Variants in RANBP17 observed in about 807,000 individuals in gnomAD.
RANBP17 encodes the protein ran-binding protein 17.
Under a neutral mutation model 141.2 loss-of-function variants are expected in RANBP17, and 158 were observed. That is an observed-to-expected ratio of 1.12 (90% CI 0.98 to 1.28). RANBP17 has a LOEUF of 1.28. Ranked by LOEUF, RANBP17 falls within the 50% of genes most tolerant of loss-of-function variation. The pLI is 0.00. For missense variants in RANBP17, 1,438 were observed against 1,290.7 expected, an observed-to-expected ratio of 1.11 and a Z score of -1.75; for synonymous variants, 430 against 450.0, an observed-to-expected ratio of 0.96 and a Z score of 0.56.
At position 170,955,819 on chromosome 5, in the gene RANBP17, T is replaced by TAA. The variant is rs10552358; in HGVS notation, c.1574+2118_1574+2119insAA. ...ATTGAGGAACAACCTAAAATTCCTG[T>TAA]ATATATATATATATATATCTCAGAG... On this transcript the variant is annotated intron_variant, in intron 13 of 27. Transcript: ENST00000523189. Among the ~76,000 whole-genome samples the TAA allele has an allele frequency of 2.1e-3, 244 of 114,482 alleles. 5 individuals carry two copies. Among genetic ancestry groups the TAA allele is most frequent in the Admixed American group, 0.018 (207 of 11,780 alleles). 75.1% of individuals were successfully genotyped at this position (114,482 alleles called of 152,430 possible).
intron 12 of RANBP17, among the ~76,000 whole-genome samples, chr5:170,933,106 T>C (rs982822241): frequency 6.6e-6 from 1 of 152,192 alleles, no homozygotes; most frequent in Non-Finnish European, 1.5e-5. Context: ...ATTGGTCTAT[T>C]CAGGGATTCA....
chr5:170,933,661 T>G (rs1424860035), intron 12 of RANBP17, among the ~76,000 whole-genome samples: 1 of 152,208 alleles, frequency 6.6e-6, no homozygotes, highest in Non-Finnish European at 1.5e-5. Context: ...CTGCCTTGAT[T>G]TCGTTATGTA....
chr5:171,228,066 C>G (rs1227447069), intron 22 of RANBP17, among the ~76,000 whole-genome samples: 1 of 152,162 alleles, frequency 6.6e-6, no homozygotes, highest in Non-Finnish European at 1.5e-5. Context: ...TTCTGCAGCC[C>G]ATGGATCAAG....
rs570417220 is a variant in RANBP17, at chr5:171,077,152, A to G, written c.1711-92978A>G. Among the ~76,000 whole-genome samples, 4 of 152,240 alleles carry G rather than the reference A, an allele frequency of 2.6e-5. No homozygotes were observed. The South Asian group carries it at 8.3e-4, about 32-fold the overall frequency. On this transcript the variant is annotated intron_variant, in intron 14 of 27. Coordinates refer to ENST00000523189, the MANE Select transcript of RANBP17 (RefSeq NM_022897.5). Reference sequence around the variant, plus strand: ...CAGAAGATAGAGACCATCCTGGCAAACACGGTGAAACCCCGTCTCTACTAA... The same window carrying G: ...CAGAAGATAGAGACCATCCTGGCAAGCACGGTGAAACCCCGTCTCTACTAA...
At chr5:170,935,984 C>T (rs1320039683) in intron 12 of RANBP17, among the ~76,000 whole-genome samples, 1 of 152,190 alleles carries the variant, frequency 6.6e-6, no homozygotes, top group Admixed American at 6.5e-5. Flanking sequence ...CTACTCAAGC[C>T]GCAGCAATGG....
intron 24 of RANBP17, among the ~76,000 whole-genome samples, chr5:171,265,424 G>A (rs947009676): frequency 6.6e-6 from 1 of 152,126 alleles, no homozygotes; most frequent in Non-Finnish European, 1.5e-5. Flanking sequence ...TAGCTACTCA[G>A]GAGGCTGAAG....
intron 14 of RANBP17, among the ~76,000 whole-genome samples, chr5:170,995,760 T>C (rs1778777850): frequency 6.6e-6 from 1 of 152,194 alleles, no homozygotes; most frequent in Admixed American, 6.6e-5. Flanking sequence ...ATGTTTTACA[T>C]GATTGATGTT....
intron 18 of RANBP17, among the ~76,000 whole-genome samples, chr5:171,191,573 G>C (rs916942058): frequency 6.6e-6 from 1 of 151,992 alleles, no homozygotes; most frequent in Non-Finnish European, 1.5e-5. Flanking sequence ...TGTAGTCCCA[G>C]CTACTCGGGA....
At chr5:171,256,914 T>A (rs537208670) in intron 24 of RANBP17, among the ~76,000 whole-genome samples, 70 of 146,134 alleles carry the variant, frequency 4.8e-4, no homozygotes, top group African/African-American at 1.2e-3. Flanking sequence ...ATCAGTAATT[T>A]AAAAAAAAAA....
chr5:171,165,980 G>A (rs1759665523), intron 14 of RANBP17, among the ~76,000 whole-genome samples: 1 of 152,114 alleles, frequency 6.6e-6, no homozygotes, highest in South Asian at 2.1e-4. Context: ...TGCCTTTTAT[G>A]CGTTTTCCTT....
intron 14 of RANBP17, among the ~76,000 whole-genome samples, chr5:170,972,310 T>C (rs1277765119): frequency 6.6e-6 from 1 of 151,590 alleles, no homozygotes; most frequent in African/African-American, 2.4e-5. Context: ...GCCTCCCAAG[T>C]AGCTGGGATT....
At position 171,287,228 on chromosome 5, in the gene RANBP17, C is replaced by A. The variant is rs543785161; in HGVS notation, c.2944-6655C>A. Among the ~76,000 whole-genome samples, 7 of 152,296 alleles carry A rather than the reference C, an allele frequency of 4.6e-5. No homozygotes were observed. In the South Asian group the frequency reaches 1.4e-3, roughly 32 times the overall value. ...CAGATTGGCCGGGTGCAGTGGCTCA[C>A]GCCTGTAATCCCAGCACTTTGGGAG... On this transcript the variant is annotated intron_variant, in intron 25 of 27. Coordinates refer to ENST00000523189, the MANE Select transcript of RANBP17 (RefSeq NM_022897.5).
In RANBP17 at chr5:170,910,843, G is replaced by A. The variant is rs1465832943; in HGVS notation, c.595-126G>A. ...AGGTAACATTACTTCCTTATATATG[G>A]AACAGTATAACTTTGTAAACTCCTT... On this transcript the variant is annotated intron_variant, in intron 6 of 27. Transcript: ENST00000523189. The A allele has an allele frequency of 8.9e-6, 8 of 896,276 alleles. No individual in the cohort carries two copies. In the East Asian group the frequency reaches 2.1e-4, roughly 24 times the overall value. The allele number at this position is 896,276 out of a possible 1,614,324, so 55.5% of individuals were successfully genotyped here.
At position 170,989,027 on chromosome 5, in the gene RANBP17, A is replaced by T. The variant is rs1778337033; in HGVS notation, c.1710+20650A>T. Among the ~76,000 whole-genome samples, 5 of 151,812 alleles carry T rather than the reference A, an allele frequency of 3.3e-5. No homozygotes were observed. The South Asian group carries it at 1.0e-3, about 31-fold the overall frequency. Reference sequence around the variant, plus strand: ...AGATCATGTGTGAATACACGTCAGTAACTTTGGTATTTCAGTAATAAAGTC... The same window carrying T: ...AGATCATGTGTGAATACACGTCAGTTACTTTGGTATTTCAGTAATAAAGTC... On this transcript the variant is annotated intron_variant, in intron 14 of 27. Transcript: ENST00000523189.
intron 14 of RANBP17, among the ~76,000 whole-genome samples, chr5:171,089,129 A>G (rs1373212489): frequency 1.3e-5 from 2 of 151,326 alleles, no homozygotes; most frequent in African/African-American, 4.9e-5. Context: ...GGTGATGTAC[A>G]GATGGGTTTT....
chr5:170,957,904 G>T (rs1775848981), intron 13 of RANBP17, among the ~76,000 whole-genome samples: 1 of 152,186 alleles, frequency 6.6e-6, no homozygotes, highest in Non-Finnish European at 1.5e-5. Flanking sequence ...TGACCAAAAT[G>T]TTGTCACCAG....
chr5:171,274,778 A>G (rs1274855884), intron 25 of RANBP17, among the ~76,000 whole-genome samples: 1 of 152,212 alleles, frequency 6.6e-6, no homozygotes, highest in African/African-American at 2.4e-5. Flanking sequence ...CAATGATTTT[A>G]AGTATCAAAC....
chr5:170,955,818 GTATA>G (rs367914750), intron 13 of RANBP17, among the ~76,000 whole-genome samples: 2 of 141,646 alleles, frequency 1.4e-5, no homozygotes, highest in African/African-American at 2.6e-5. Context: ...TAAAATTCCT[GTATA>G]TATATATATA....
intron 25 of RANBP17, among the ~76,000 whole-genome samples, chr5:171,274,987 C>A (rs1404320084): frequency 6.6e-6 from 1 of 152,116 alleles, no homozygotes; most frequent in Admixed American, 6.5e-5. Context: ...TCCCAACCCC[C>A]ACTAGGACAT....
Sources: allele counts gnomAD v4.1 joint callset (sites outside exome capture counted in the v4.1 genomes callset), GRCh38; gene constraint gnomAD v4.1.1; transcripts MANE v1.5; gene names NCBI Gene and HGNC (gene_info 2026-07-23, HGNC 2026-07-21).